The following RBFOX3 variants were observed in gnomAD, a reference collection of about 807,000 sequenced individuals.
RBFOX3 encodes the protein RNA binding protein fox-1 homolog 3.
In RBFOX3, 17 loss-of-function variants were observed where a neutral mutation model predicts 48.7. That is an observed-to-expected ratio of 0.35 (90% CI 0.24 to 0.52). The LOEUF (loss-of-function observed/expected upper bound fraction) is 0.52, where lower values mean the gene tolerates loss of function less well. Among genes scored for constraint, RBFOX3 ranks in the 20% least tolerant of loss-of-function variants. RBFOX3 has a pLI of 0.94. For missense variants in RBFOX3, 382 were observed against 497.5 expected (o/e 0.77, Z 2.21); for synonymous variants, 212 against 209.5 (o/e 1.01, Z -0.10).
intron 3 of RBFOX3, among the ~76,000 whole-genome samples, chr17:79,280,163 G>GCA (rs1567968243): frequency 7.0e-5 from 7 of 99,534 alleles, no homozygotes; most frequent in African/African-American, 1.9e-4. Context: ...ACACACACAC[G>GCA]CACACACCAC....
chr17:79,643,219 G>C, the RBFOX3 span, among the ~76,000 whole-genome samples: 37 of 152,234 alleles, frequency 2.4e-4, no homozygotes, highest in African/African-American at 8.7e-4. Context: ...CAGAAATAAA[G>C]AGTAACATCA....
At chr17:79,578,780 T>G (rs2144738779) in intron 1 of RBFOX3, among the ~76,000 whole-genome samples, 1 of 152,184 alleles carries the variant, frequency 6.6e-6, no homozygotes. Flanking sequence ...TGGTGTAGGG[T>G]TTGCTTGGCA....
rs373342130 is a variant in RBFOX3, at chr17:79,388,795, ATCAC to A, written c.-174-80975_-174-80972del. Among the ~76,000 whole-genome samples the A allele has an allele frequency of 3.9e-4, 59 of 152,320 alleles. No homozygotes were observed. The East Asian group carries it at 0.011, about 28-fold the overall frequency. On this transcript the variant is annotated intron_variant, in intron 2 of 14. Transcript: ENST00000693108. ...GTGCTGCCGGAGCCTCTCGCCAAGC[ATCAC>A]TCACACAGGTGGCCACCACAGCCCC...
At chr17:79,665,351 G>A in the RBFOX3 span, among the ~76,000 whole-genome samples, 1 of 150,484 alleles carries the variant, frequency 6.6e-6, no homozygotes, top group Non-Finnish European at 1.5e-5. Context: ...TGGGGCCAGA[G>A]CTGCACGAAA....
chr17:79,201,089 C>G (rs1430074716), intron 4 of RBFOX3, among the ~76,000 whole-genome samples: 4 of 148,934 alleles, frequency 2.7e-5, no homozygotes, highest in Non-Finnish European at 1.5e-5. Context: ...GCCATCACTT[C>G]TTAACAACAA....
chr17:79,265,063 C>T (rs2066468393), intron 3 of RBFOX3, among the ~76,000 whole-genome samples: 3 of 152,174 alleles, frequency 2.0e-5, no homozygotes, highest in African/African-American at 7.2e-5. Flanking sequence ...CTTTCCACCA[C>T]CTCCCCTGCC....
intron 1 of RBFOX3, among the ~76,000 whole-genome samples, chr17:79,502,360 G>C (rs931851247): frequency 0.016 from 2,293 of 140,000 alleles, 59 homozygotes; most frequent in African/African-American, 0.057. Context: ...TGGCAGGGAG[G>C]GGGAAGGGGA....
At chr17:79,417,455 A>C (rs952704274) in intron 2 of RBFOX3, among the ~76,000 whole-genome samples, 3 of 152,168 alleles carry the variant, frequency 2.0e-5, no homozygotes, top group Admixed American at 2.0e-4. Context: ...GCTGTTCCCC[A>C]CGGCCTTTCT....
intron 1 of RBFOX3, among the ~76,000 whole-genome samples, chr17:79,484,056 C>A (rs1250335619): frequency 2.6e-5 from 4 of 152,178 alleles, no homozygotes; most frequent in Non-Finnish European, 5.9e-5. Flanking sequence ...CTCTGATTAG[C>A]CTGAGAGACT....
chr17:79,492,226 C>T (rs2080785430), intron 1 of RBFOX3, among the ~76,000 whole-genome samples: 1 of 152,158 alleles, frequency 6.6e-6, no homozygotes, highest in Non-Finnish European at 1.5e-5. Context: ...TGGAGAGAAT[C>T]CTGCCTGCAC....
intron 1 of RBFOX3, among the ~76,000 whole-genome samples, chr17:79,581,640 G>C (rs992533501): frequency 1.1e-4 from 16 of 152,284 alleles, no homozygotes; most frequent in Non-Finnish European, 2.4e-4. Flanking sequence ...TGATATGCGG[G>C]AGGTTTCCAC....
the RBFOX3 span, among the ~76,000 whole-genome samples, chr17:79,624,753 C>T: frequency 2.0e-5 from 3 of 152,142 alleles, no homozygotes; most frequent in East Asian, 1.9e-4. Context: ...AGCCTGCAGA[C>T]GCCTCTCCCA....
At chr17:79,544,658 C>A (rs963937801) in intron 1 of RBFOX3, among the ~76,000 whole-genome samples, 1 of 152,034 alleles carries the variant, frequency 6.6e-6, no homozygotes, top group East Asian at 1.9e-4. Context: ...AGGCTCCCTG[C>A]AGACACACCT....
chr17:79,189,974 A>T (rs1599883793), intron 4 of RBFOX3, among the ~76,000 whole-genome samples: 1 of 152,342 alleles, frequency 6.6e-6, no homozygotes, highest in East Asian at 1.9e-4. Context: ...CAGCCAAGGA[A>T]AACCCATATC....
chr17:79,333,172 A>G (rs1395120039), intron 2 of RBFOX3, among the ~76,000 whole-genome samples: 5 of 152,144 alleles, frequency 3.3e-5, no homozygotes, highest in Non-Finnish European at 1.5e-5. Flanking sequence ...TTTACCAGGG[A>G]GGAGACTGAC....
intron 2 of RBFOX3, among the ~76,000 whole-genome samples, chr17:79,430,019 C>T (rs1469209193): frequency 6.6e-6 from 1 of 152,046 alleles, no homozygotes; most frequent in Non-Finnish European, 1.5e-5. Flanking sequence ...AGGGGGCTGC[C>T]GAGGCGAGGT....
intron 2 of RBFOX3, among the ~76,000 whole-genome samples, chr17:79,405,629 G>C (rs777382213): frequency 6.6e-6 from 1 of 152,194 alleles, no homozygotes; most frequent in Non-Finnish European, 1.5e-5. Context: ...GCTGAGGCAG[G>C]AGAATCGCTT....
chr17:79,587,886 G>A (rs1344584344), intron 1 of RBFOX3, among the ~76,000 whole-genome samples: 3 of 152,106 alleles, frequency 2.0e-5, no homozygotes, highest in Non-Finnish European at 4.4e-5. Flanking sequence ...ACCCAGGCTG[G>A]AGTGCAGTGG....
Position 79,253,743 on chromosome 17 carries a change from G to A in RBFOX3, c.-73-17938C>T, listed in dbSNP as rs145059371. ...TGTCCCCAGATGAGGGCATGGCAGT[G>A]TACCTAGCAGGGGAGGTCCCCAGCT... On this transcript the variant is annotated intron_variant, in intron 3 of 14. Transcript: ENST00000693108. Among the ~76,000 whole-genome samples the A allele has an allele frequency of 4.2e-3, 643 of 152,276 alleles. 3 individuals are homozygous for A. Among genetic ancestry groups the A allele is most frequent in the Non-Finnish European group, 6.8e-3 (463 of 68,018 alleles).
Sources: allele counts gnomAD v4.1 joint callset (sites outside exome capture counted in the v4.1 genomes callset), GRCh38; gene constraint gnomAD v4.1.1; transcripts MANE v1.5; gene names NCBI Gene and HGNC (gene_info 2026-07-23, HGNC 2026-07-21).